Variants in ARID1B observed in about 807,000 individuals in gnomAD.
ARID1B encodes AT-rich interaction domain 1B.
ARID1B carries 30 observed loss-of-function variants against 212.3 expected under a neutral mutation model. The ratio of observed to expected loss-of-function variants is 0.14; its 90% confidence interval spans 0.11 to 0.19. The LOEUF (loss-of-function observed/expected upper bound fraction) is 0.19. ARID1B is among the 10% of genes least tolerant of loss of function. ARID1B has a pLI of 1.00. For synonymous variants in ARID1B, 1,402 were observed against 1,301.7 expected (o/e 1.08, Z -1.66); for missense variants, 2,891 against 3,204.0 (o/e 0.90, Z 2.36).
intron 4 of ARID1B, among the ~76,000 whole-genome samples, chr6:157,054,094 C>T (rs1337967968): frequency 3.3e-5 from 5 of 152,018 alleles, no homozygotes; most frequent in Admixed American, 2.0e-4. Flanking sequence ...CCTGGTGGTG[C>T]GTGCCTGTAA....
chr6:156,799,190 A>G (rs9397315), intron 1 of ARID1B, among the ~76,000 whole-genome samples: 1 of 96,244 alleles, frequency 1.0e-5, no homozygotes, highest in South Asian at 2.8e-4. Flanking sequence ...TAATAATATA[A>G]AATAATTCAT....
At chr6:156,858,166 TAA>T (rs371480180) in intron 2 of ARID1B, among the ~76,000 whole-genome samples, 1 of 136,182 alleles carries the variant, frequency 7.3e-6, no homozygotes. Flanking sequence ...AGATGGGAGC[TAA>T]AAAAAAAAAG....
intron 6 of ARID1B, 91 bp from the exon 7 acceptor site, chr6:157,132,937 G>A (rs900770371): frequency 2.2e-6 from 3 of 1,370,418 alleles, no homozygotes; most frequent in Non-Finnish European, 3.0e-6. Flanking sequence ...CTTCTCCCCT[G>A]CCACCTGCCA....
intron 4 of ARID1B, among the ~76,000 whole-genome samples, chr6:156,949,287 A>G (rs1434022790): frequency 1.3e-5 from 2 of 152,126 alleles, no homozygotes; most frequent in African/African-American, 4.8e-5. Flanking sequence ...AGATATATAT[A>G]TCTAAATATG....
chr6:156,818,489 T>C (rs1219633192), intron 1 of ARID1B, among the ~76,000 whole-genome samples: 1 of 152,248 alleles, frequency 6.6e-6, no homozygotes, highest in African/African-American at 2.4e-5. Flanking sequence ...CGTAGTGCTC[T>C]GATATGTGTT....
At chr6:157,039,616 A>ACCTTCCTTCTTTCCTT (rs1781593448) in intron 4 of ARID1B, among the ~76,000 whole-genome samples, 1 of 123,212 alleles carries the variant, frequency 8.1e-6, no homozygotes, top group Non-Finnish European at 1.7e-5. Context: ...AAAGCTACCT[A>ACCTTCCTTCTTTCCTT]CCTTCCTTCC....
chr6:157,184,181 A>T (rs2128324318), intron 12 of ARID1B, 50 bp from the exon 13 acceptor site: 11 of 1,529,356 alleles, frequency 7.2e-6, no homozygotes, highest in Non-Finnish European at 9.7e-6. Flanking sequence ...TCCTGGCTTT[A>T]AACAAGCCAC....
At chr6:156,899,199 G>A (rs1377859422) in intron 2 of ARID1B, among the ~76,000 whole-genome samples, 2 of 151,788 alleles carry the variant, frequency 1.3e-5, no homozygotes, top group East Asian at 1.9e-4. Context: ...GAGATGTAAG[G>A]CAGAGTCATG....
At chr6:156,808,699 A>T (rs1316504100) in intron 1 of ARID1B, among the ~76,000 whole-genome samples, 1 of 152,376 alleles carries the variant, frequency 6.6e-6, no homozygotes, top group Non-Finnish European at 1.5e-5. Context: ...ATTGAAAATA[A>T]AAACATTATC....
intron 2 of ARID1B, among the ~76,000 whole-genome samples, chr6:156,883,105 C>T (rs908598454): frequency 1.3e-5 from 2 of 152,178 alleles, no homozygotes; most frequent in Admixed American, 6.5e-5. Context: ...GTTTGTGAGG[C>T]GCCTTTAGGC....
intron 1 of ARID1B, among the ~76,000 whole-genome samples, chr6:156,797,086 T>C (rs6913133): frequency 0.013 from 1,936 of 152,320 alleles, 49 homozygotes; most frequent in African/African-American, 0.044. Flanking sequence ...TTTGTGTATA[T>C]ACTTCCTTTA....
At chr6:157,197,122 A>G (rs1349547672) in intron 16 of ARID1B, among the ~76,000 whole-genome samples, 1 of 152,246 alleles carries the variant, frequency 6.6e-6, no homozygotes, top group Non-Finnish European at 1.5e-5. Context: ...CATTGTCACA[A>G]AAACCCCTTC....
At chr6:157,022,524 G>A (rs2128478500) in intron 4 of ARID1B, 1 of 152,352 alleles carries the variant, frequency 6.6e-6, no homozygotes, top group East Asian at 1.9e-4. Flanking sequence ...ACTTGCAGGT[G>A]TTTTAGGTAG....
chr6:156,812,933 G>GGTGT lies in ARID1B; in HGVS notation c.1792-16253_1792-16250dup, dbSNP rs71027314. Among the ~76,000 whole-genome samples, 410 of 89,430 alleles carry GGTGT rather than the reference G, an allele frequency of 4.6e-3. 3 individuals carry two copies. Among genetic ancestry groups the GGTGT allele is most frequent in the East Asian group, 0.011 (37 of 3,394 alleles). 58.7% of individuals were successfully genotyped at this position (89,430 alleles called of 152,430 possible). On this transcript the variant is annotated intron_variant, in intron 1 of 19. Transcript: ENST00000636930. The stretch of plus-strand genomic sequence containing the variant: ...TTCCAAATAGAAAATTATAATCCTG[G>GGTGT]GTGTGTGTGTGTGTGTGTGTGTGTG...
intron 1 of ARID1B, among the ~76,000 whole-genome samples, chr6:156,779,964 C>T (rs911385625): frequency 6.6e-6 from 1 of 152,196 alleles, no homozygotes; most frequent in Admixed American, 6.5e-5. Flanking sequence ...CACGTTCCCT[C>T]TTGGCTTCCG....
chr6:156,781,354 G>C (rs2115044138), intron 1 of ARID1B, among the ~76,000 whole-genome samples: 1 of 152,024 alleles, frequency 6.6e-6, no homozygotes, highest in South Asian at 2.1e-4. Flanking sequence ...CGATGAATTA[G>C]GGAAACTATA....
chr6:157,070,763 G>C (rs1416160571), intron 4 of ARID1B, among the ~76,000 whole-genome samples: 2 of 152,208 alleles, frequency 1.3e-5, no homozygotes, highest in Non-Finnish European at 2.9e-5. Flanking sequence ...TTACGAGCAT[G>C]TGAATTTTTG....
At chr6:157,198,716 C>G in intron 16 of ARID1B, 95 bp from the exon 17 acceptor site, 1 of 1,076,554 alleles carries the variant, frequency 9.3e-7, no homozygotes, top group Non-Finnish European at 1.4e-6. Context: ...CACAGAGCTG[C>G]TTGAGGGAGT....
At chr6:157,100,729 C>T (rs1785997544) in intron 5 of ARID1B, among the ~76,000 whole-genome samples, 1 of 152,202 alleles carries the variant, frequency 6.6e-6, no homozygotes, top group Non-Finnish European at 1.5e-5. Context: ...TCTTACCATA[C>T]TCTAGCTTCT....
Sources: gnomAD v4.1 joint callset for allele counts (sites outside exome capture counted in the v4.1 genomes callset) on GRCh38, gnomAD v4.1.1 for gene constraint, MANE v1.5 for transcripts, NCBI Gene and HGNC (gene_info 2026-07-23, HGNC 2026-07-21) for gene names.